The following SH3RF2 variants were observed in gnomAD, a reference collection of about 807,000 sequenced individuals.
SH3RF2 encodes SH3 domain containing ring finger 2.
In SH3RF2, 43 loss-of-function variants were observed where a neutral mutation model predicts 59.0. The ratio of observed to expected loss-of-function variants is 0.73; its 90% CI spans 0.57 to 0.94. SH3RF2 has a LOEUF of 0.94. Ranked by LOEUF, SH3RF2 falls within the 40% of genes least tolerant of loss-of-function variation. SH3RF2 has a pLI of 0.00. For missense variants in SH3RF2, 930 were observed against 940.1 expected (o/e 0.99, Z 0.14); for synonymous variants, 391 against 391.5 (o/e 1.00, Z 0.01).
At chr5:145,969,185 G>A (rs1758974181) in intron 2 of SH3RF2, among the ~76,000 whole-genome samples, 1 of 152,106 alleles carries the variant, frequency 6.6e-6, no homozygotes, top group African/African-American at 2.4e-5. Flanking sequence ...TTTACAACGT[G>A]AGCTGCACCC....
chr5:145,991,741 G>C (rs1759940693), intron 2 of SH3RF2, among the ~76,000 whole-genome samples: 1 of 152,120 alleles, frequency 6.6e-6, no homozygotes, highest in Non-Finnish European at 1.5e-5. Context: ...AGCATTTTGT[G>C]CAATTTTAGT....
chr5:145,970,755 A>G (rs1759049810), intron 2 of SH3RF2, among the ~76,000 whole-genome samples: 1 of 152,190 alleles, frequency 6.6e-6, no homozygotes, highest in Admixed American at 6.5e-5. Flanking sequence ...CTGAAAAGAC[A>G]GTTTAAAAGA....
At chr5:146,076,769 T>A (rs1456065230) in intron 9 of SH3RF2, among the ~76,000 whole-genome samples, 1 of 152,170 alleles carries the variant, frequency 6.6e-6, no homozygotes, top group Non-Finnish European at 1.5e-5. Context: ...TTGGGGCTCC[T>A]CTGGTACATT....
At chr5:146,076,261 G>C (rs564593259) in intron 9 of SH3RF2, among the ~76,000 whole-genome samples, 3 of 152,214 alleles carry the variant, frequency 2.0e-5, no homozygotes, top group African/African-American at 7.2e-5. Context: ...CTGTAATCTG[G>C]GAGGGGCATT....
At chr5:146,038,159 C>T (rs1228862124) in intron 5 of SH3RF2, among the ~76,000 whole-genome samples, 1 of 151,938 alleles carries the variant, frequency 6.6e-6, no homozygotes, top group Non-Finnish European at 1.5e-5. Flanking sequence ...TCTTAGCAAA[C>T]TAGGAATAAA....
chr5:145,938,265 C>G lies in SH3RF2; in HGVS notation c.337C>G (p.Pro113Ala), dbSNP rs1196247702. Residue 113 changes from proline (P) to alanine (A), a missense_variant, in exon 2 of 10, where the codon CCT becomes GCT. Physicochemically the swap from Pro to Ala is conservative, Grantham distance 27. Transcript: ENST00000359120. ...RTNPRRLQAS[P>A]FRLVPNVRIH... The stretch of plus-strand genomic sequence containing the variant: ...CAACCCCAGACGTCTGCAGGCCAGT[C>G]CTTTCCGGCTAGTGCCTAATGTCAG... The G allele has an allele frequency of 6.3e-7, 1 of 1,593,960 alleles. No homozygotes were observed.
At chr5:145,963,268 AT>A (rs1758706388) in intron 2 of SH3RF2, among the ~76,000 whole-genome samples, 1 of 151,236 alleles carries the variant, frequency 6.6e-6, no homozygotes, top group African/African-American at 2.5e-5. Context: ...GGATGGATGG[AT>A]GGATGGATGG....
intron 3 of SH3RF2, among the ~76,000 whole-genome samples, chr5:146,002,397 G>C (rs1561734742): frequency 2.0e-5 from 3 of 151,828 alleles, no homozygotes; most frequent in Non-Finnish European, 2.9e-5. Context: ...GTTGCAGTGA[G>C]CCAAGTTCGC....
intron 8 of SH3RF2, among the ~76,000 whole-genome samples, chr5:146,058,683 G>A (rs1053260835): frequency 6.6e-6 from 1 of 151,972 alleles, no homozygotes; most frequent in Non-Finnish European, 1.5e-5. Flanking sequence ...AAATGCTGAG[G>A]GGCCCCTATG....
chr5:145,965,037 T>A (rs1042946341), intron 2 of SH3RF2, among the ~76,000 whole-genome samples: 1 of 151,742 alleles, frequency 6.6e-6, no homozygotes, highest in African/African-American at 2.4e-5. Flanking sequence ...TACTAAAACA[T>A]AAAAAATTAG....
chr5:146,072,083 G>T (rs1763251248), intron 9 of SH3RF2, among the ~76,000 whole-genome samples: 1 of 152,172 alleles, frequency 6.6e-6, no homozygotes, highest in South Asian at 2.1e-4. Context: ...AGAGAAATGT[G>T]ACATGAAAAG....
intron 2 of SH3RF2, among the ~76,000 whole-genome samples, chr5:145,969,041 G>T (rs973943669): frequency 1.1e-4 from 16 of 152,018 alleles, no homozygotes; most frequent in Non-Finnish European, 2.1e-4. Flanking sequence ...ATCTGAATTT[G>T]CTTCTCAGGT....
At chr5:145,961,656 G>A (rs992065603) in intron 2 of SH3RF2, among the ~76,000 whole-genome samples, 1 of 152,190 alleles carries the variant, frequency 6.6e-6, no homozygotes, top group African/African-American at 2.4e-5. Flanking sequence ...GTGAATAGAG[G>A]CCATCAATTC....
At chr5:146,054,959 G>C (rs1419506580) in intron 7 of SH3RF2, among the ~76,000 whole-genome samples, 1 of 152,208 alleles carries the variant, frequency 6.6e-6, no homozygotes, top group Non-Finnish European at 1.5e-5. Context: ...GAAATGTGAT[G>C]TTGGGAATGG....
At chr5:146,001,481 G>A (rs776893097) in intron 3 of SH3RF2, among the ~76,000 whole-genome samples, 9 of 152,154 alleles carry the variant, frequency 5.9e-5, no homozygotes, top group East Asian at 1.9e-4. Flanking sequence ...ACCTCAGAGC[G>A]AGACTCCTAA....
chr5:145,994,206 C>T (rs145263753), intron 2 of SH3RF2, among the ~76,000 whole-genome samples: 202 of 152,304 alleles, frequency 1.3e-3, no homozygotes, highest in Non-Finnish European at 2.3e-3. Context: ...TCAGCCTGGA[C>T]CTTATTGTTC....
intron 9 of SH3RF2, among the ~76,000 whole-genome samples, chr5:146,072,321 G>T (rs1763254983): frequency 6.6e-6 from 1 of 152,198 alleles, no homozygotes; most frequent in African/African-American, 2.4e-5. Flanking sequence ...TGTTGGAGAA[G>T]TTTGCAGGAT....
chr5:145,985,474 G>A (rs1390386937), intron 2 of SH3RF2, among the ~76,000 whole-genome samples: 1 of 152,030 alleles, frequency 6.6e-6, no homozygotes, highest in African/African-American at 2.4e-5. Context: ...TTCCTCACAC[G>A]ACAGCCTATC....
chr5:146,025,245 T>C (rs1761485292), intron 5 of SH3RF2, among the ~76,000 whole-genome samples: 1 of 152,226 alleles, frequency 6.6e-6, no homozygotes. Flanking sequence ...AAAGACAAGA[T>C]TCATTTCTCA....
Sources: gnomAD v4.1 joint callset for allele counts (sites outside exome capture counted in the v4.1 genomes callset) on GRCh38, gnomAD v4.1.1 for gene constraint, MANE v1.5 for transcripts, NCBI Gene and HGNC (gene_info 2026-07-23, HGNC 2026-07-21) for gene names.